NEBL: variants seen among roughly 807,000 people sequenced by gnomAD.
NEBL encodes nebulette, also known as LIM and SH3 protein 2.
A neutral mutation model predicts 140.2 loss-of-function variants in NEBL; 122 were observed. That is an observed-to-expected ratio of 0.87 (90% CI 0.75 to 1.01). NEBL has a LOEUF of 1.01. NEBL is among the 50% of genes least tolerant of loss of function. The probability of loss-of-function intolerance (pLI) is 0.00; values close to 1 mark genes in which losing one functional copy is unlikely to be tolerated. For synonymous variants in NEBL, 436 were observed against 398.9 expected, an observed-to-expected ratio of 1.09 and a Z score of -1.11; for missense variants, 1,365 against 1,231.3, an observed-to-expected ratio of 1.11 and a Z score of -1.62.
At position 21,067,957 on chromosome 10, in the gene NEBL, GACA is replaced by G. The variant is rs1564499618; in HGVS notation, c.165-47759_165-47757del. On this transcript the variant is annotated intron_variant, in intron 2 of 6. Transcript: ENST00000417816. ...CTGCACCATGCACTCCAGCCTGGGT[GACA>G]ACAAGATGCCGTCTCAAAGAAAAAA... 5.3e-5 allele frequency among the ~76,000 whole-genome samples: 8 copies of G among 150,594 alleles called. No homozygotes were observed. In the South Asian group the frequency reaches 1.7e-3, roughly 32 times the overall value.
chr10:20,934,877 A>T (rs939370904), intron 4 of NEBL, among the ~76,000 whole-genome samples: 1 of 152,204 alleles, frequency 6.6e-6, no homozygotes, highest in Non-Finnish European at 1.5e-5. Context: ...ACATAGCAAC[A>T]TTTCTAGCAG....
intron 1 of NEBL, among the ~76,000 whole-genome samples, chr10:21,259,836 A>T (rs145497193): frequency 1.9e-3 from 291 of 152,236 alleles, no homozygotes; most frequent in African/African-American, 6.7e-3. Context: ...CCTAGAGGGC[A>T]GGGGGGTGGA....
At chr10:20,799,409 G>A (rs1002273693) in intron 26 of NEBL, among the ~76,000 whole-genome samples, 9 of 152,134 alleles carry the variant, frequency 5.9e-5, no homozygotes, top group East Asian at 1.9e-4. Flanking sequence ...ACCCACCTCC[G>A]CTTCCCAAAG....
At chr10:21,285,902 C>A (rs1389982300) in intron 1 of NEBL, among the ~76,000 whole-genome samples, 1 of 152,212 alleles carries the variant, frequency 6.6e-6, no homozygotes, top group South Asian at 2.1e-4. Flanking sequence ...GGACCCCACA[C>A]CCTGTGAGAG....
At chr10:21,271,006 C>G (rs775209967) in intron 1 of NEBL, among the ~76,000 whole-genome samples, 5 of 152,154 alleles carry the variant, frequency 3.3e-5, no homozygotes, top group African/African-American at 4.8e-5. Flanking sequence ...TATCATCCAG[C>G]AATCTCACTT....
chr10:20,835,914 G>A (rs1289474299), intron 13 of NEBL, among the ~76,000 whole-genome samples: 3 of 152,124 alleles, frequency 2.0e-5, no homozygotes, highest in African/African-American at 7.2e-5. Context: ...TAGGGAGGTG[G>A]GTGTAAATGA....
chr10:21,186,240 A>T (rs1331279688), intron 3 of NEBL, among the ~76,000 whole-genome samples: 1 of 150,288 alleles, frequency 6.7e-6, no homozygotes, highest in Non-Finnish European at 1.5e-5. Flanking sequence ...CCTTTTTAAA[A>T]AATTTTTATA....
At chr10:21,009,977 C>G (rs1262826090) in intron 3 of NEBL, among the ~76,000 whole-genome samples, 1 of 152,108 alleles carries the variant, frequency 6.6e-6, no homozygotes, top group Admixed American at 6.5e-5. Context: ...CTCCAAGAGG[C>G]CTTTTCTGAA....
At chr10:21,194,500 C>T (rs1489497458) in intron 3 of NEBL, among the ~76,000 whole-genome samples, 1 of 152,086 alleles carries the variant, frequency 6.6e-6, no homozygotes, top group Admixed American at 6.5e-5. Context: ...TAACTGATCA[C>T]CTTTAAAGAA....
chr10:20,866,738 T>C (rs1041215013), intron 7 of NEBL, among the ~76,000 whole-genome samples: 1 of 152,194 alleles, frequency 6.6e-6, no homozygotes, highest in East Asian at 1.9e-4. Flanking sequence ...ACAAGACACA[T>C]TGTGATGGGT....
At position 21,216,241 on chromosome 10, in the gene NEBL, C is replaced by T. The variant is rs181549155; in HGVS notation, n.348+31680G>A. On this transcript the variant is annotated intron_variant and non_coding_transcript_variant, in intron 3 of 8. Transcript: ENST00000675702. ...TAAATATACACCCCCAACCTGACTT[C>T]CCCTTAGCCACATATCCAAGTGCCT... is the stretch of plus-strand genomic sequence containing the variant. 3.9e-5 allele frequency among the ~76,000 whole-genome samples: 6 copies of T among 152,320 alleles called. No homozygotes were observed. In the East Asian group the frequency reaches 1.2e-3, roughly 29 times the overall value.
chr10:20,858,451 T>C lies in NEBL; in HGVS notation c.799-107A>G, dbSNP rs1484264494. 15 of 926,774 alleles carry C rather than the reference T, an allele frequency of 1.6e-5. No individual in the cohort carries two copies. In the Admixed American group the frequency reaches 2.2e-4, roughly 14 times the overall value. The allele number at this position is 926,774 out of a possible 1,614,324, so 57.4% of individuals were successfully genotyped here. On this transcript the variant is annotated intron_variant, in intron 8 of 27. Transcript: ENST00000377122. ...TAAAGTAGGACTATTTAGTGGTAAA[T>C]GGACAGACGAATTTACAAGGAGCCA...
intron 2 of NEBL, among the ~76,000 whole-genome samples, chr10:21,043,818 G>A (rs1834376455): frequency 6.6e-6 from 1 of 152,152 alleles, no homozygotes; most frequent in Non-Finnish European, 1.5e-5. Flanking sequence ...ATCAGACTAT[G>A]TAACCATATG....
At chr10:21,012,743 G>A (rs947308902) in intron 3 of NEBL, among the ~76,000 whole-genome samples, 4 of 152,212 alleles carry the variant, frequency 2.6e-5, no homozygotes, top group African/African-American at 9.6e-5. Context: ...ACAAGGGCCA[G>A]TTACCAGACT....
In NEBL at chr10:21,221,374, G is replaced by C. The variant is rs537625954; in HGVS notation, n.348+26547C>G. On this transcript the variant is annotated intron_variant and non_coding_transcript_variant, in intron 3 of 8. Transcript: ENST00000675702. Reference sequence around the variant, plus strand: ...CAAATGTGCGAGGCTACTCTGATGAGAGCTAAGCCCCTGCAGTCACAGCAT... The same window carrying C: ...CAAATGTGCGAGGCTACTCTGATGACAGCTAAGCCCCTGCAGTCACAGCAT... Among the ~76,000 whole-genome samples the C allele has an allele frequency of 7.9e-5, 12 of 152,212 alleles. No individual in the cohort carries two copies. In the South Asian group the frequency reaches 1.9e-3, roughly 24 times the overall value.
intron 2 of NEBL, among the ~76,000 whole-genome samples, chr10:21,169,783 A>G (rs754728235): frequency 6.6e-6 from 1 of 152,236 alleles, no homozygotes; most frequent in Non-Finnish European, 1.5e-5. Flanking sequence ...CAAAAATCCT[A>G]GGGTGCTACC....
Position 20,889,854 on chromosome 10 carries a change from A to T in NEBL, c.249T>A (p.Phe83Leu). 1 of 1,606,992 alleles carries T rather than the reference A, an allele frequency of 6.2e-7. No individual in the cohort carries two copies. The highest frequency in any genetic ancestry group is 8.5e-7 in the Non-Finnish European group (1 of 1,173,538). The change falls in exon 3 of 28, where the codon TTT becomes TTA. Residue 83 changes from phenylalanine to leucine, a missense_variant. Phe to Leu is a conservative substitution (Grantham distance 22). This residue lies in a region of NEBL where 1,323 missense variants were observed against 1,154.8 expected (regional missense o/e 1.15). Transcript: ENST00000377122. Reference protein sequence around the residue: ...MLNHVKNIGAFISEAKYKGTI... With the variant: ...MLNHVKNIGALISEAKYKGTI... ...GCTTTTGATACCTTACCTCAGAAAT[A>T]AAAGCACCGATATTTTTTACATGGT... is the stretch of plus-strand genomic sequence containing the variant.
intron 19 of NEBL, 41 bp from the exon 20 acceptor site, chr10:20,819,557 T>C (rs768677904): frequency 1.2e-6 from 2 of 1,611,124 alleles, no homozygotes; most frequent in Non-Finnish European, 1.7e-6. Flanking sequence ...TTATGGGAAA[T>C]AAATACGTCC....
At chr10:21,131,256 TG>T (rs1382390315) in intron 2 of NEBL, among the ~76,000 whole-genome samples, 5 of 152,182 alleles carry the variant, frequency 3.3e-5, no homozygotes, top group African/African-American at 1.2e-4. Flanking sequence ...TAACAATCTT[TG>T]AAAACAGAAA....
Sources: allele counts gnomAD v4.1 joint callset (sites outside exome capture counted in the v4.1 genomes callset), GRCh38; gene constraint gnomAD v4.1.1; regional missense constraint gnomAD v4.1.1; transcripts MANE v1.5; gene names NCBI Gene and HGNC (gene_info 2026-07-23, HGNC 2026-07-21).